The following FOXP2 variants were observed in gnomAD, a reference collection of about 807,000 sequenced individuals.
FOXP2 encodes the protein forkhead box P2.
In FOXP2, 12 loss-of-function variants were observed where a neutral mutation model predicts 115.8. The observed-to-expected ratio is 0.10, with a 90% CI of 0.07 to 0.17. FOXP2 has a LOEUF of 0.17. FOXP2 is among the 10% of genes least tolerant of loss of function. FOXP2 has a pLI of 1.00. For missense variants in FOXP2, 629 were observed against 843.5 expected, an observed-to-expected ratio of 0.75 and a Z score of 3.15; for synonymous variants, 328 against 297.7, an observed-to-expected ratio of 1.10 and a Z score of -1.05.
chr7:114,522,398 G>A (rs1318496015), intron 2 of FOXP2, among the ~76,000 whole-genome samples: 1 of 152,074 alleles, frequency 6.6e-6, no homozygotes, highest in Non-Finnish European at 1.5e-5. Context: ...TAAGAACTTC[G>A]TTCCCTAGCA....
chr7:114,319,359 A>G (rs763976013), intron 2 of FOXP2, among the ~76,000 whole-genome samples: 2 of 152,206 alleles, frequency 1.3e-5, no homozygotes, highest in South Asian at 2.1e-4. Context: ...CACCACCACA[A>G]TAGAAAAACA....
intron 2 of FOXP2, among the ~76,000 whole-genome samples, chr7:114,427,223 A>G (rs904788116): frequency 1.3e-5 from 2 of 151,670 alleles, no homozygotes; most frequent in African/African-American, 4.8e-5. Context: ...ATTCCAAGAT[A>G]TTTTGAATAT....
rs1268512497 is a variant in FOXP2 at position 114,692,710 on chromosome 7, C to T, written c.*2784C>T. On this transcript the variant is annotated 3_prime_UTR_variant, in exon 17 of 17. Transcript: ENST00000350908. Reference sequence around the variant, plus strand: ...ATAATGTCTGACAATTTAAATGGCTCATGTATTCTTGCTTCTATCATAAGC... The same window carrying T: ...ATAATGTCTGACAATTTAAATGGCTTATGTATTCTTGCTTCTATCATAAGC... The T allele has an allele frequency of 9.0e-6, 4 of 445,514 alleles. No individual in the cohort carries two copies. The allele number at this position is 445,514 out of a possible 1,614,324, so 27.6% of individuals were successfully genotyped here. A position where few individuals can be genotyped will look rare whatever the true frequency, so the allele number is the denominator to read the frequency against.
chr7:114,440,002 C>A (rs1584737749), intron 2 of FOXP2, among the ~76,000 whole-genome samples: 1 of 152,154 alleles, frequency 6.6e-6, no homozygotes, highest in East Asian at 1.9e-4. Context: ...TTTGTAGAAA[C>A]CTATCTTCGA....
intron 13 of FOXP2, 112 bp from the exon 14 acceptor site, chr7:114,661,953 A>T: frequency 7.5e-7 from 1 of 1,342,156 alleles, no homozygotes. Context: ...TAATACTTAA[A>T]CATGTTAAGA....
intron 2 of FOXP2, among the ~76,000 whole-genome samples, chr7:114,459,294 A>C (rs576512435): frequency 3.3e-5 from 5 of 152,280 alleles, no homozygotes; most frequent in African/African-American, 9.6e-5. Context: ...AGCCGTAGGA[A>C]CTACTGGGAG....
chr7:114,454,763 A>G (rs548497513), intron 2 of FOXP2, among the ~76,000 whole-genome samples: 2,739 of 130,868 alleles, frequency 0.021, 40 homozygotes, highest in Non-Finnish European at 0.032. Flanking sequence ...GTAAACTATC[A>G]CAAGAACAAA....
intron 1 of FOXP2, among the ~76,000 whole-genome samples, chr7:114,124,535 A>T (rs1791650675): frequency 6.6e-6 from 1 of 152,032 alleles, no homozygotes; most frequent in African/African-American, 2.4e-5. Flanking sequence ...CACATGACAT[A>T]ATCTGTTGTT....
intron 3 of FOXP2, among the ~76,000 whole-genome samples, chr7:114,563,135 C>T (rs1413252956): frequency 6.6e-6 from 1 of 152,136 alleles, no homozygotes; most frequent in Non-Finnish European, 1.5e-5. Flanking sequence ...ATACCTGCCC[C>T]CATGATTCAG....
intron 2 of FOXP2, among the ~76,000 whole-genome samples, chr7:114,468,364 G>A (rs185854784): frequency 3.2e-4 from 49 of 152,092 alleles, no homozygotes; most frequent in African/African-American, 1.1e-3. Context: ...TGCAGTTATT[G>A]TCATGTCGCT....
chr7:114,420,012 A>G (rs2129202082), intron 1 of FOXP2: 1 of 152,200 alleles, frequency 6.6e-6, no homozygotes, highest in Non-Finnish European at 1.5e-5. Context: ...CCTGGAAGTA[A>G]AAAGTGCTGA....
intron 2 of FOXP2, among the ~76,000 whole-genome samples, chr7:114,302,258 A>T (rs1277766829): frequency 6.6e-6 from 1 of 152,168 alleles, no homozygotes; most frequent in Non-Finnish European, 1.5e-5. Flanking sequence ...AATATGATTC[A>T]TTCAGAGAAA....
rs545736043 is a variant in FOXP2, at chr7:114,115,005, A to AT, written c.-247+27177dup. On this transcript the variant is annotated intron_variant, in intron 1 of 19. Transcript: ENST00000635638. ...ACAGTTGTTTTATTTTGTGTGTTGC[A>AT]TTTTTTTTTTGTTTTGAATCATTGG... is the stretch of plus-strand genomic sequence containing the variant. 4.5e-3 allele frequency among the ~76,000 whole-genome samples: 675 copies of AT among 149,112 alleles called. 1 individual carries two copies. Among genetic ancestry groups the AT allele is most frequent in the Middle Eastern group, 6.8e-3 (2 of 294 alleles).
At chr7:114,216,564 G>C (rs902765663) in intron 1 of FOXP2, among the ~76,000 whole-genome samples, 1 of 151,752 alleles carries the variant, frequency 6.6e-6, no homozygotes, top group African/African-American at 2.4e-5. Flanking sequence ...CTGCAATTTT[G>C]GTTTCTAGTA....
At chr7:114,216,683 A>G (rs990939328) in intron 1 of FOXP2, among the ~76,000 whole-genome samples, 2 of 152,076 alleles carry the variant, frequency 1.3e-5, no homozygotes, top group African/African-American at 2.4e-5. Context: ...CTGAGTTTCT[A>G]TGCTATTCTA....
chr7:114,315,765 T>TA (rs1797262606), intron 2 of FOXP2, among the ~76,000 whole-genome samples: 1 of 152,134 alleles, frequency 6.6e-6, no homozygotes, highest in Non-Finnish European at 1.5e-5. Flanking sequence ...TAGGTTCCTG[T>TA]AAGACCCTGG....
intron 1 of FOXP2, among the ~76,000 whole-genome samples, chr7:114,241,436 C>T (rs1795148840): frequency 6.6e-6 from 1 of 151,984 alleles, no homozygotes; most frequent in Non-Finnish European, 1.5e-5. Flanking sequence ...GTTAAAAATA[C>T]TGAATTTAAG....
rs1791601513 is a variant in FOXP2 at position 114,355,634 on chromosome 7, C to T, written c.-11+67525C>T. 2.6e-5 allele frequency among the ~76,000 whole-genome samples: 4 copies of T among 151,894 alleles called. No individual in the cohort carries two copies. The South Asian group carries it at 8.3e-4, about 32-fold the overall frequency. On this transcript the variant is annotated intron_variant, in intron 2 of 17. Coordinates refer to the FOXP2 transcript ENST00000634411. ...GAGCTGCTTCTTATCTGTAGCAAGT[C>T]ATTTATGTAGTTTAAAAAAACAACT...
At chr7:114,255,433 C>T (rs1795583598) in intron 1 of FOXP2, among the ~76,000 whole-genome samples, 1 of 152,184 alleles carries the variant, frequency 6.6e-6, no homozygotes, top group Admixed American at 6.5e-5. Context: ...CTGCAGTGGG[C>T]TCCACCCAGT....
Sources: gnomAD v4.1 joint callset for allele counts (sites outside exome capture counted in the v4.1 genomes callset) on GRCh38, gnomAD v4.1.1 for gene constraint, MANE v1.5 for transcripts, NCBI Gene and HGNC (gene_info 2026-07-23, HGNC 2026-07-21) for gene names.